The following MACROD2 variants were observed in gnomAD, a reference collection of about 807,000 sequenced individuals.
The protein encoded by MACROD2 is mono-ADP ribosylhydrolase 2.
Under a neutral mutation model 70.4 loss-of-function variants are expected in MACROD2, and 36 were observed. That is an observed-to-expected ratio of 0.51 (90% CI 0.39 to 0.68). The LOEUF (loss-of-function observed/expected upper bound fraction) is 0.68. Among genes scored for constraint, MACROD2 ranks in the 30% least tolerant of loss-of-function variants. MACROD2 has a pLI of 0.00. For synonymous variants in MACROD2, 172 were observed against 178.8 expected (o/e 0.96, Z 0.30); for missense variants, 496 against 538.4 (o/e 0.92, Z 0.78).
chr20:15,933,437 C>A, intron 11 of MACROD2, 99 bp downstream of exon 11: 1 of 1,108,396 alleles, frequency 9.0e-7, no homozygotes. Context: ...TTATACATTT[C>A]ACCAGATGAA....
intron 3 of MACROD2, among the ~76,000 whole-genome samples, chr20:14,313,099 A>T (rs781169439): frequency 1.2e-4 from 18 of 152,242 alleles, no homozygotes; most frequent in Non-Finnish European, 1.2e-4. Context: ...ACAGTATATT[A>T]TAGAATTCTG....
At chr20:14,376,753 A>T (rs2083375042) in intron 3 of MACROD2, among the ~76,000 whole-genome samples, 1 of 7,586 alleles carries the variant, frequency 1.3e-4, no homozygotes, top group Non-Finnish European at 2.7e-4. Context: ...CTGTCTCAAA[A>T]TAATAATAAT....
chr20:15,481,591 CATAA>C (rs59480535), intron 7 of MACROD2, among the ~76,000 whole-genome samples: 3,815 of 151,528 alleles, frequency 0.025, 156 homozygotes, highest in African/African-American at 0.087. Context: ...AACTGCATTA[CATAA>C]ATAAATATTA....
chr20:15,755,670 C>G (rs1176896145), intron 8 of MACROD2, among the ~76,000 whole-genome samples: 1 of 152,102 alleles, frequency 6.6e-6, no homozygotes, highest in Admixed American at 6.6e-5. Context: ...AACTGGAAGA[C>G]CCTTGAAGGG....
chr20:14,799,463 C>A (rs898238943), intron 5 of MACROD2, among the ~76,000 whole-genome samples: 1 of 152,056 alleles, frequency 6.6e-6, no homozygotes, highest in African/African-American at 2.4e-5. Flanking sequence ...GGTTTTTATA[C>A]TCACTTTAAT....
intron 5 of MACROD2, among the ~76,000 whole-genome samples, chr20:14,990,187 CT>C (rs1277041626): frequency 1.3e-5 from 2 of 152,002 alleles, no homozygotes; most frequent in Non-Finnish European, 1.5e-5. Context: ...TCCAAAACCC[CT>C]ATGTCAACGA....
intron 4 of MACROD2, among the ~76,000 whole-genome samples, chr20:14,495,749 A>G (rs948452995): frequency 6.6e-6 from 1 of 152,168 alleles, no homozygotes. Flanking sequence ...TAAGACATTC[A>G]GGAATAGGCC....
intron 6 of MACROD2, among the ~76,000 whole-genome samples, chr20:15,289,537 G>A (rs420402): frequency 1.3e-5 from 2 of 152,140 alleles, no homozygotes; most frequent in African/African-American, 4.8e-5. Flanking sequence ...AGAGTGGTTC[G>A]CACTTCAGGA....
At chr20:15,331,036 A>G (rs540311379) in intron 6 of MACROD2, among the ~76,000 whole-genome samples, 1 of 151,596 alleles carries the variant, frequency 6.6e-6, no homozygotes, top group African/African-American at 2.4e-5. Context: ...AAAAGAGAAA[A>G]TCGTGACATC....
At chr20:14,356,011 A>C (rs1026524377) in intron 3 of MACROD2, among the ~76,000 whole-genome samples, 13 of 152,134 alleles carry the variant, frequency 8.5e-5, no homozygotes, top group African/African-American at 3.1e-4. Context: ...TTCAAGAACA[A>C]CCATTGGATC....
chr20:14,968,485 G>A (rs2074659034), intron 5 of MACROD2, among the ~76,000 whole-genome samples: 1 of 152,052 alleles, frequency 6.6e-6, no homozygotes, highest in African/African-American at 2.4e-5. Flanking sequence ...TTAAATTAGT[G>A]GGACTGGGGT....
At chr20:15,874,784 C>T (rs890610678) in intron 9 of MACROD2, among the ~76,000 whole-genome samples, 23 of 152,114 alleles carry the variant, frequency 1.5e-4, no homozygotes, top group Non-Finnish European at 1.3e-4. Context: ...ACAATCTAAA[C>T]CCCAGACCCT....
At chr20:14,852,439 G>A (rs2073209339) in intron 5 of MACROD2, among the ~76,000 whole-genome samples, 1 of 152,178 alleles carries the variant, frequency 6.6e-6, no homozygotes, top group Admixed American at 6.5e-5. Flanking sequence ...AAAAGGGGAA[G>A]AGGGTGACAT....
Position 16,049,850 on chromosome 20 carries a change from A to C in MACROD2, c.1321A>C (p.Lys441Gln), listed in dbSNP as rs981102416. The C allele has an allele frequency of 3.7e-6, 6 of 1,612,012 alleles. No homozygotes were observed. In the African/African-American group the frequency reaches 8.0e-5, roughly 22 times the overall value. ...TTCAGCAGGGGCACAAGATGAAGCG[A>C]AGGAACAAAGAAATGGAACTAAATG... The part of the protein sequence containing the change: ...QLIAGAQDEA[K>Q]EQRNGTK The change falls in exon 18 of 18, where the codon AAG (lysine) becomes CAG (glutamine). Residue 441 changes from lysine (K) to glutamine (Q), a missense_variant. By Grantham distance (53) the Lys-to-Gln change is moderately conservative. Coordinates refer to ENST00000684519, the MANE Select transcript of MACROD2 (RefSeq NM_001351661.2).
chr20:14,600,343 T>TATATATATATATATATATATATATAA, intron 4 of MACROD2, among the ~76,000 whole-genome samples: 1 of 130,222 alleles, frequency 7.7e-6, no homozygotes, highest in East Asian at 2.1e-4. Context: ...TATATATATA[T>TATATATATATATATATATATATATAA]ACACACACAC....
chr20:14,762,062 C>G (rs1354710046), intron 5 of MACROD2, among the ~76,000 whole-genome samples: 2 of 152,088 alleles, frequency 1.3e-5, no homozygotes, highest in Admixed American at 1.3e-4. Flanking sequence ...GCCACCCTCT[C>G]CGCTCAGGGC....
chr20:13,996,147 C>G (rs1489114686), intron 1 of MACROD2, among the ~76,000 whole-genome samples: 1 of 147,270 alleles, frequency 6.8e-6, no homozygotes, highest in Non-Finnish European at 1.5e-5. Context: ...GGCACAAGTT[C>G]CTCTGCACCG....
intron 3 of MACROD2, among the ~76,000 whole-genome samples, chr20:14,216,546 A>G (rs551374589): frequency 1.2e-4 from 19 of 152,054 alleles, no homozygotes; most frequent in Non-Finnish European, 2.6e-4. Context: ...GTGAAGAATG[A>G]TGGTGGTATT....
chr20:14,297,386 G>A (rs752149213), intron 3 of MACROD2, among the ~76,000 whole-genome samples: 1 of 151,958 alleles, frequency 6.6e-6, no homozygotes, highest in Non-Finnish European at 1.5e-5. Context: ...CATACAGTTA[G>A]CCAAGTTGGG....
Sources: allele counts gnomAD v4.1 joint callset (sites outside exome capture counted in the v4.1 genomes callset), GRCh38; gene constraint gnomAD v4.1.1; transcripts MANE v1.5; gene names NCBI Gene and HGNC (gene_info 2026-07-23, HGNC 2026-07-21).